The following GNAI1 variants were observed in gnomAD, a reference collection of about 807,000 sequenced individuals.
GNAI1 encodes the protein guanine nucleotide-binding protein G(i) subunit alpha-1.
GNAI1 carries 11 observed loss-of-function variants against 38.9 expected under a neutral mutation model. That is an observed-to-expected ratio of 0.28 (90% CI 0.18 to 0.47). The LOEUF (loss-of-function observed/expected upper bound fraction) is 0.47. Ranked by LOEUF, GNAI1 falls within the 20% of genes least tolerant of loss-of-function variation. The pLI, the probability that GNAI1 is intolerant of heterozygous loss-of-function variation, is 0.99. For synonymous variants in GNAI1, 166 were observed against 145.1 expected (o/e 1.14, Z -1.04); for missense variants, 317 against 436.9 (o/e 0.73, Z 2.45).
At chr7:80,192,328 T>C (rs1788496486) in intron 3 of GNAI1, among the ~76,000 whole-genome samples, 1 of 152,226 alleles carries the variant, frequency 6.6e-6, no homozygotes. Context: ...GTTGTGTTTG[T>C]TGCTAGTTAG....
intron 1 of GNAI1, among the ~76,000 whole-genome samples, chr7:80,184,427 C>T (rs1350403648): frequency 6.6e-6 from 1 of 152,156 alleles, no homozygotes; most frequent in Non-Finnish European, 1.5e-5. Flanking sequence ...CCTGCTAGCG[C>T]TTGGGAGAGG....
chr7:80,148,574 ATT>A (rs1787669692), intron 1 of GNAI1, among the ~76,000 whole-genome samples: 1 of 152,076 alleles, frequency 6.6e-6, no homozygotes, highest in African/African-American at 2.4e-5. Flanking sequence ...CATCTGAATG[ATT>A]TTGTTAGATA....
At chr7:80,206,943 A>G (rs1386588376) in intron 5 of GNAI1, among the ~76,000 whole-genome samples, 3 of 152,074 alleles carry the variant, frequency 2.0e-5, no homozygotes, top group Non-Finnish European at 4.4e-5. Flanking sequence ...ACCTTGGTTG[A>G]CCACAGGTAA....
intron 1 of GNAI1, among the ~76,000 whole-genome samples, chr7:80,146,301 T>TG (rs1237939481): frequency 6.6e-6 from 1 of 152,176 alleles, no homozygotes; most frequent in African/African-American, 2.4e-5. Flanking sequence ...ATGGGATGCC[T>TG]GGGAAAGTAA....
At chr7:80,136,723 C>A (rs188219541) in intron 1 of GNAI1, among the ~76,000 whole-genome samples, 1 of 152,196 alleles carries the variant, frequency 6.6e-6, no homozygotes, top group East Asian at 1.9e-4. Flanking sequence ...AAGTTTTTTT[C>A]TTGCAGTTTT....
chr7:80,215,088 GTTC>G, intron 7 of GNAI1, among the ~76,000 whole-genome samples: 1 of 152,186 alleles, frequency 6.6e-6, no homozygotes, highest in Admixed American at 6.6e-5. Flanking sequence ...CAGCCTCCCA[GTTC>G]TTCATTTTTG....
chr7:80,220,866 C>T lies in GNAI1; in HGVS notation c.*3373C>T, dbSNP rs1789060767. 6.6e-6 allele frequency among the ~76,000 whole-genome samples: 1 copy of T among 152,172 alleles called. No individual in the cohort carries two copies. The highest frequency in any genetic ancestry group is 1.5e-5 in the Non-Finnish European group (1 of 68,034). ...AGAAAATGTGTAAGTAGTGTTTCGC[C>T]TATCCCCACTCTGCCCTTGAGTTCC... On this transcript the variant is annotated 3_prime_UTR_variant, in exon 8 of 8. Transcript: ENST00000649796.
chr7:80,159,779 T>C (rs1025299609), intron 1 of GNAI1, among the ~76,000 whole-genome samples: 18 of 152,184 alleles, frequency 1.2e-4, no homozygotes, highest in African/African-American at 4.3e-4. Context: ...GAATTTAGTT[T>C]GAATCTCAGC....
chr7:80,185,633 A>G (rs1788373267), intron 1 of GNAI1, among the ~76,000 whole-genome samples: 2 of 152,072 alleles, frequency 1.3e-5, no homozygotes, highest in African/African-American at 2.4e-5. Context: ...TGGCCCTACT[A>G]CGATTAAACT....
In GNAI1 at chr7:80,202,119, C is replaced by T. The variant is rs564138961; in HGVS notation, c.462-1585C>T. On this transcript the variant is annotated intron_variant, in intron 4 of 7. Coordinates refer to ENST00000649796, the MANE Select transcript of GNAI1 (RefSeq NM_002069.6). ...GTTTTTTTGTTTTTTGAGATGGAGT[C>T]GGGCTTTGTCCCCAGGCTGGAGTGC... Among the ~76,000 whole-genome samples the T allele has an allele frequency of 1.4e-3, 210 of 152,082 alleles. 1 individual carries two copies. Among genetic ancestry groups the T allele is most frequent in the African/African-American group, 4.8e-3 (199 of 41,490 alleles).
At chr7:80,186,398 T>TACTTA (rs1788387230) in intron 1 of GNAI1, among the ~76,000 whole-genome samples, 1 of 152,128 alleles carries the variant, frequency 6.6e-6, no homozygotes, top group South Asian at 2.1e-4. Context: ...GGATGTGCAA[T>TACTTA]GCAAAGTAAG....
chr7:80,180,251 A>G (rs1005025192), intron 1 of GNAI1, among the ~76,000 whole-genome samples: 2 of 152,106 alleles, frequency 1.3e-5, no homozygotes, highest in African/African-American at 4.8e-5. Flanking sequence ...TGTATGTATA[A>G]TTGTCATAGG....
chr7:80,193,539 G>A (rs1365074701), intron 3 of GNAI1, among the ~76,000 whole-genome samples: 1 of 152,136 alleles, frequency 6.6e-6, no homozygotes, highest in Non-Finnish European at 1.5e-5. Context: ...TGATAATTTA[G>A]GTGATTATGT....
intron 3 of GNAI1, among the ~76,000 whole-genome samples, chr7:80,192,520 T>TA (rs1239507537): frequency 3.3e-5 from 5 of 152,184 alleles, no homozygotes; most frequent in Admixed American, 3.3e-4. Context: ...ATCTGTCACT[T>TA]ACTAAGCTAT....
At chr7:80,155,136 G>A (rs1178966933) in intron 1 of GNAI1, among the ~76,000 whole-genome samples, 2 of 152,128 alleles carry the variant, frequency 1.3e-5, no homozygotes, top group South Asian at 2.1e-4. Flanking sequence ...GACTCAATAT[G>A]TGGGATTATG....
chr7:80,144,812 C>T (rs1167506186), intron 1 of GNAI1, among the ~76,000 whole-genome samples: 1 of 152,168 alleles, frequency 6.6e-6, no homozygotes, highest in Non-Finnish European at 1.5e-5. Context: ...CCAAGAATTA[C>T]ATTTATTTCG....
intron 1 of GNAI1, among the ~76,000 whole-genome samples, chr7:80,163,400 A>G (rs1452515644): frequency 1.3e-5 from 2 of 152,142 alleles, no homozygotes; most frequent in Non-Finnish European, 2.9e-5. Context: ...TGTCCTCTTA[A>G]TAAGATGGTC....
intron 1 of GNAI1, among the ~76,000 whole-genome samples, chr7:80,144,556 C>T (rs1160420577): frequency 6.6e-6 from 1 of 152,160 alleles, no homozygotes; most frequent in Non-Finnish European, 1.5e-5. Flanking sequence ...TTGTATGAAA[C>T]TCCTCCTGTT....
At chr7:80,179,230 T>G (rs1464126705) in intron 1 of GNAI1, among the ~76,000 whole-genome samples, 1 of 152,226 alleles carries the variant, frequency 6.6e-6, no homozygotes. Context: ...GACCTTTTTC[T>G]TCTTTTTCTT....
Sources: allele counts gnomAD v4.1 joint callset (sites outside exome capture counted in the v4.1 genomes callset), GRCh38; gene constraint gnomAD v4.1.1; transcripts MANE v1.5; gene names NCBI Gene and HGNC (gene_info 2026-07-23, HGNC 2026-07-21).